CATSPERD: variants seen among roughly 807,000 people sequenced by gnomAD.
CATSPERD encodes cation channel sperm-associated auxiliary subunit delta.
In CATSPERD, 86 loss-of-function variants were observed where a neutral mutation model predicts 98.1. That is an observed-to-expected ratio of 0.88 (90% CI 0.74 to 1.05). The LOEUF is 1.05. Ranked by LOEUF, CATSPERD falls within the 50% of genes least tolerant of loss-of-function variation. The pLI is 0.00. For missense variants in CATSPERD, 995 were observed against 1,005.7 expected (o/e 0.99, Z 0.14); for synonymous variants, 394 against 390.2 (o/e 1.01, Z -0.12).
chr19:5,753,560 T>TAA, intron 12 of CATSPERD: 2 of 374,416 alleles, frequency 5.3e-6, no homozygotes, highest in African/African-American at 2.4e-5. Context: ...AGACTCTGTC[T>TAA]CAAAAAAAAA....
chr19:5,768,140 A>G (rs1186669366), intron 17 of CATSPERD, 28 bp from the exon 18 acceptor site: 4 of 1,604,610 alleles, frequency 2.5e-6, no homozygotes, highest in Non-Finnish European at 3.4e-6. Context: ...AGGTCATGCC[A>G]TTGCTCAATG....
chr19:5,765,733 AC>A, intron 16 of CATSPERD, among the ~76,000 whole-genome samples: 1 of 151,792 alleles, frequency 6.6e-6, no homozygotes, highest in Non-Finnish European at 1.5e-5. Context: ...AATCGCTTGA[AC>A]CCAGGGGGAG....
At chr19:5,767,482 C>A (rs2056562540) in intron 17 of CATSPERD, among the ~76,000 whole-genome samples, 1 of 151,160 alleles carries the variant, frequency 6.6e-6, no homozygotes, top group Admixed American at 6.6e-5. Flanking sequence ...TGTGCCCTCC[C>A]TTTTATATAT....
At position 5,724,883 on chromosome 19, in the gene CATSPERD, A is replaced by G. The variant is rs770769308; in HGVS notation, c.126+21A>G. The G allele has an allele frequency of 3.7e-6, 6 of 1,612,360 alleles. No individual in the cohort carries two copies. In the East Asian group the frequency reaches 1.3e-4, roughly 36 times the overall value. ...AAGGGGTATGTGGCTCCATGCTTAA[A>G]TTCATCCTTCACTTTTGTCTAAGTA... On this transcript the variant is annotated intron_variant, in intron 2 of 21. Transcript: ENST00000381624.
At chr19:5,742,245 T>G (rs1161724206) in intron 7 of CATSPERD, among the ~76,000 whole-genome samples, 2 of 151,200 alleles carry the variant, frequency 1.3e-5, no homozygotes, top group East Asian at 3.9e-4. Context: ...TGTACGTATG[T>G]GAATGTGTGT....
chr19:5,771,924 C>T (rs368987825), intron 19 of CATSPERD, among the ~76,000 whole-genome samples: 1 of 152,094 alleles, frequency 6.6e-6, no homozygotes, highest in East Asian at 1.9e-4. Flanking sequence ...CACCCTACAT[C>T]CTATGACCTC....
At chr19:5,730,012 G>A in intron 4 of CATSPERD, 68 bp downstream of exon 4, 3 of 935,630 alleles carry the variant, frequency 3.2e-6, no homozygotes, top group Non-Finnish European at 5.0e-6. Context: ...ATACAGTTCA[G>A]AAATATCAGA....
chr19:5,778,296 C>A, intron 21 of CATSPERD, 80 bp from the exon 22 acceptor site: 1 of 1,325,448 alleles, frequency 7.5e-7, no homozygotes, highest in South Asian at 1.3e-5. Context: ...TCCTGTGGGT[C>A]TGAACACCTT....
intron 3 of CATSPERD, among the ~76,000 whole-genome samples, chr19:5,728,364 A>G (rs866020829): frequency 1.6e-3 from 244 of 150,336 alleles, no homozygotes; most frequent in African/African-American, 5.6e-3. Flanking sequence ...CTCAAAAAAA[A>G]AAAAAAAAAA....
intron 10 of CATSPERD, 62 bp from the exon 11 acceptor site, chr19:5,749,039 T>G: frequency 6.9e-7 from 1 of 1,448,034 alleles, no homozygotes; most frequent in South Asian, 1.2e-5. Context: ...CACACTTATG[T>G]TTTTGTCCAC....
chr19:5,731,638 C>CAATCTCGG (rs1377595030), intron 4 of CATSPERD, among the ~76,000 whole-genome samples: 15 of 125,366 alleles, frequency 1.2e-4, no homozygotes, highest in African/African-American at 4.6e-4. Flanking sequence ...TGCAGTGGCG[C>CAATCTCGG]AATCTCGGCT....
intron 2 of CATSPERD, among the ~76,000 whole-genome samples, chr19:5,725,654 C>G (rs2055590104): frequency 1.3e-5 from 2 of 152,106 alleles, no homozygotes; most frequent in African/African-American, 4.8e-5. Context: ...GTAATCCCAG[C>G]ACTTTGGGAG....
chr19:5,757,334 G>A (rs983204704), intron 13 of CATSPERD, among the ~76,000 whole-genome samples: 6 of 125,398 alleles, frequency 4.8e-5, no homozygotes, highest in Non-Finnish European at 8.2e-5. Flanking sequence ...TCTTGCTCTT[G>A]TTACCCAGGC....
chr19:5,737,149 C>G lies in CATSPERD; in HGVS notation c.403C>G (p.Pro135Ala), dbSNP rs369591753. Residue 135 changes from proline to alanine, a missense_variant, in exon 6 of 22, where the codon CCT becomes GCT. This residue lies in a region of CATSPERD where 228 missense variants were observed against 209.6 expected (regional missense o/e 1.09). Coordinates refer to ENST00000381624, the MANE Select transcript of CATSPERD (RefSeq NM_152784.4). ...TATTTTCCTTTCAGGTATAAAACAC[C>G]CTGTTACACATGTCTCTGGTGATAA... ...SWSMSLGIKHPVTHVSGDNCC... is the reference protein window; with the variant it reads ...SWSMSLGIKHAVTHVSGDNCC... 2 of 1,605,166 alleles carry G rather than the reference C, an allele frequency of 1.2e-6. No homozygotes were observed. The highest frequency in any genetic ancestry group is 1.3e-5 in the African/African-American group (1 of 74,694).
chr19:5,778,718 T>G lies in CATSPERD; in HGVS notation c.*42T>G, dbSNP rs1356615822. 6.4e-7 allele frequency: 1 copy of G among 1,555,814 alleles called. No individual in the cohort carries two copies. Among genetic ancestry groups the G allele is most frequent in the Non-Finnish European group, 8.7e-7 (1 of 1,149,768 alleles). ...CCCAACCCCTTGTCTTCAAATAAAGTATAATGTAACATAGCAGGAAGCAGT... is the reference window on the plus strand; with the variant it reads ...CCCAACCCCTTGTCTTCAAATAAAGGATAATGTAACATAGCAGGAAGCAGT... On this transcript the variant is annotated 3_prime_UTR_variant, in exon 22 of 22. Transcript: ENST00000381624.
intron 15 of CATSPERD, among the ~76,000 whole-genome samples, chr19:5,762,058 ATT>A (rs869295948): frequency 1.3e-3 from 14 of 10,438 alleles, no homozygotes; most frequent in African/African-American, 3.9e-3. Context: ...ATATATATAT[ATT>A]TTTTTTTTTT....
Position 5,727,318 on chromosome 19 carries a change from C to T in CATSPERD, c.177C>T (p.Cys59=), listed in dbSNP as rs768213227. ...PTTTRLIKHP[C]EKNIALYLGK... is the part of the protein sequence containing the mutation. The stretch of plus-strand genomic sequence containing the variant: ...CAACACGCTTGATTAAACATCCTTG[C>T]GAGAAAAATATAGCACTATATCTAG... Residue 59 remains cysteine, a synonymous_variant, in exon 3 of 22, where the codon TGC becomes TGT. Transcript: ENST00000381624. 8.1e-5 allele frequency: 130 copies of T among 1,613,040 alleles called. 1 individual carries two copies. The highest frequency in any genetic ancestry group is 7.2e-4 in the South Asian group (66 of 91,072).
chr19:5,740,222 G>A (rs879422279), intron 7 of CATSPERD, among the ~76,000 whole-genome samples: 16 of 146,926 alleles, frequency 1.1e-4, no homozygotes, highest in Non-Finnish European at 1.8e-4. Flanking sequence ...CAGAGGTTGC[G>A]GTGAGCCAAG....
chr19:5,772,830 T>C lies in CATSPERD; in HGVS notation c.1806T>C (p.Tyr602=). 6.2e-7 allele frequency: 1 copy of C among 1,613,984 alleles called. No homozygotes were observed. ...DSFQEVIDAE[Y]VLLEVNGQFS... ...TCCAGGAGGTCATCGACGCCGAGTA[T>C]GTGTTACTGGAGGTGAACGGGCAGT... Residue 602 remains tyrosine, a synonymous_variant, in exon 20 of 22, where the codon TAT becomes TAC. Coordinates refer to ENST00000381624, the MANE Select transcript of CATSPERD (RefSeq NM_152784.4).
Sources: allele counts gnomAD v4.1 joint callset (sites outside exome capture counted in the v4.1 genomes callset), GRCh38; gene constraint gnomAD v4.1.1; regional missense constraint gnomAD v4.1.1; transcripts MANE v1.5; gene names NCBI Gene and HGNC (gene_info 2026-07-23, HGNC 2026-07-21).